Variants in PHEX observed in about 807,000 individuals in gnomAD.
The protein encoded by PHEX is phosphate regulating endopeptidase X-linked, also known as phosphate-regulating neutral endopeptidase PHEX.
PHEX carries 16 observed loss-of-function variants against 68.0 expected under a neutral mutation model. The observed-to-expected ratio is 0.24, with a 90% CI of 0.16 to 0.36. The LOEUF (loss-of-function observed/expected upper bound fraction) is 0.36, where lower values mean the gene tolerates loss of function less well. Among genes scored for constraint, PHEX ranks in the 10% least tolerant of loss-of-function variants. The pLI is 1.00. For missense variants in PHEX, 480 were observed against 575.5 expected, an observed-to-expected ratio of 0.83 and a Z score of 1.70; for synonymous variants, 208 against 205.1, an observed-to-expected ratio of 1.01 and a Z score of -0.12.
At chrX:22,159,382 A>C (rs945833698) in intron 12 of PHEX, among the ~76,000 whole-genome samples, 5 of 112,549 alleles carry the variant, frequency 4.4e-5, no homozygotes, top group African/African-American at 1.3e-4. Context: ...ACAATGGCTC[A>C]TGCCTGGAAC....
chrX:22,240,419 C>A (rs1391726759), intron 20 of PHEX, among the ~76,000 whole-genome samples: 4 of 111,801 alleles, frequency 3.6e-5, no homozygotes, highest in African/African-American at 1.3e-4. Flanking sequence ...GGCTAAATGC[C>A]CCAATTAAAA....
chrX:22,140,812 G>A (rs1189934323), intron 12 of PHEX, among the ~76,000 whole-genome samples: 4 of 111,811 alleles, frequency 3.6e-5, no homozygotes, highest in African/African-American at 9.8e-5. Flanking sequence ...AACACCTTTA[G>A]TGTTTCTCAC....
intron 11 of PHEX, among the ~76,000 whole-genome samples, chrX:22,114,855 C>T (rs1447278124): frequency 9.0e-6 from 1 of 111,024 alleles, no homozygotes; most frequent in Non-Finnish European, 1.9e-5. Context: ...TGTAGTATAG[C>T]TGCTTGAGGG....
chrX:22,244,404 G>A (rs112585845), intron 20 of PHEX, among the ~76,000 whole-genome samples: 11,718 of 106,052 alleles, frequency 0.11, 546 homozygotes, highest in African/African-American at 0.16. Flanking sequence ...TCCACGTTCT[G>A]CACATGTACC....
At chrX:22,232,197 G>A (rs940047310) in intron 20 of PHEX, among the ~76,000 whole-genome samples, 1 of 111,307 alleles carries the variant, frequency 9.0e-6, no homozygotes, top group Non-Finnish European at 1.9e-5. Flanking sequence ...TTCCAATTAT[G>A]TGATCAATTT....
intron 5 of PHEX, among the ~76,000 whole-genome samples, chrX:22,081,334 T>A (rs1318847747): frequency 1.8e-5 from 2 of 111,664 alleles, no homozygotes; most frequent in East Asian, 5.7e-4. Context: ...CCTTCTCAGA[T>A]CCTGCCATGT....
intron 6 of PHEX, among the ~76,000 whole-genome samples, chrX:22,092,667 C>T (rs960262993): frequency 9.0e-6 from 1 of 110,531 alleles, no homozygotes; most frequent in African/African-American, 3.3e-5. Flanking sequence ...GCCACCACCT[C>T]CGGCCAATAA....
chrX:22,224,120 T>C (rs1159058465), intron 18 of PHEX, among the ~76,000 whole-genome samples: 1 of 111,455 alleles, frequency 9.0e-6, no homozygotes, highest in African/African-American at 3.3e-5. Flanking sequence ...GTAGCTGCGA[T>C]TACAGGTGCC....
At chrX:22,183,993 C>G (rs754858142) in intron 14 of PHEX, among the ~76,000 whole-genome samples, 21 of 111,895 alleles carry the variant, frequency 1.9e-4, no homozygotes, top group Non-Finnish European at 3.6e-4. Context: ...TAGAAATATA[C>G]TGGCTTTGCA....
chrX:22,084,364 C>G (rs1384954545), intron 5 of PHEX, among the ~76,000 whole-genome samples: 2 of 111,057 alleles, frequency 1.8e-5, no homozygotes, highest in African/African-American at 6.5e-5. Flanking sequence ...AGTGAATGAT[C>G]TTTTTCATGT....
chrX:22,100,527 G>C (rs1364983029), intron 9 of PHEX, among the ~76,000 whole-genome samples: 2 of 111,713 alleles, frequency 1.8e-5, no homozygotes, highest in Non-Finnish European at 3.8e-5. Context: ...GCCTGCTTTA[G>C]ATTCATCCTT....
chrX:22,187,174 G>T (rs1349739781), intron 14 of PHEX, among the ~76,000 whole-genome samples: 1 of 111,720 alleles, frequency 9.0e-6, no homozygotes, highest in African/African-American at 3.3e-5. Flanking sequence ...TCTCTGCTTT[G>T]GATTTCATAA....
chrX:22,148,485 G>C lies in PHEX; in HGVS notation c.1404+14861G>C, dbSNP rs769862958. Among the ~76,000 whole-genome samples, 135 of 111,295 alleles carry C rather than the reference G, an allele frequency of 1.2e-3. 1 individual carries two copies. The highest frequency in any genetic ancestry group is 1.1e-3 in the Non-Finnish European group (60 of 53,064). ...CTTCACAAACTTATTTTTTTGGTAA[G>C]AACATTAAAAATCTATTATTTTAGC... On this transcript the variant is annotated intron_variant, in intron 12 of 21. Coordinates refer to ENST00000379374, the MANE Select transcript of PHEX (RefSeq NM_000444.6).
At chrX:22,122,984 A>ATTTT (rs34894623) in intron 11 of PHEX, among the ~76,000 whole-genome samples, 3 of 72,261 alleles carry the variant, frequency 4.2e-5, no homozygotes, top group African/African-American at 2.0e-4. Context: ...TAGGGTCTGC[A>ATTTT]TTTTTTTTTT....
chrX:22,091,926 G>T (rs1449315367), intron 6 of PHEX, among the ~76,000 whole-genome samples: 1 of 111,788 alleles, frequency 8.9e-6, no homozygotes, highest in Non-Finnish European at 1.9e-5. Flanking sequence ...AAAGCCATCA[G>T]ATCTCATGAG....
chrX:22,175,833 TGAGA>T (rs1289837246), intron 13 of PHEX, among the ~76,000 whole-genome samples: 1 of 111,802 alleles, frequency 8.9e-6, no homozygotes, highest in African/African-American at 3.2e-5. Flanking sequence ...GAAATTCCTC[TGAGA>T]GAATTTCCCA....
At chrX:22,223,702 C>T in intron 18 of PHEX, among the ~76,000 whole-genome samples, 1 of 112,573 alleles carries the variant, frequency 8.9e-6, no homozygotes, top group Non-Finnish European at 1.9e-5. Context: ...CACCACTGCA[C>T]TCCAGTGTGG....
At chrX:22,216,880 T>C (rs1296405078) in intron 16 of PHEX, among the ~76,000 whole-genome samples, 2 of 111,957 alleles carry the variant, frequency 1.8e-5, no homozygotes, top group African/African-American at 6.5e-5. Context: ...TCTAATATTA[T>C]GAAATATTAT....
Position 22,185,756 on chromosome X carries a change from G to GTTTTTTTTTTTTTTTTT in PHEX, c.1587-4687_1587-4671dup, listed in dbSNP as rs3085228. 2.8e-3 allele frequency among the ~76,000 whole-genome samples: 246 copies of GTTTTTTTTTTTTTTTTT among 87,729 alleles called. 23 individuals carry two copies. The highest frequency in any genetic ancestry group is 0.012 in the African/African-American group (230 of 19,903). The allele number at this position is 87,729 out of a possible 115,157, so 76.2% of individuals were successfully genotyped here. On this transcript the variant is annotated intron_variant, in intron 14 of 21. Transcript: ENST00000379374. ...CTCAGCTGCATGGTTCTCGTTTGTG[G>GTTTTTTTTTTTTTTTTT]TTTTTTTTTTTTTTTTTGGACACAG...
Sources: allele counts gnomAD v4.1 joint callset (sites outside exome capture counted in the v4.1 genomes callset), GRCh38; gene constraint gnomAD v4.1.1; transcripts MANE v1.5; gene names NCBI Gene and HGNC (gene_info 2026-07-23, HGNC 2026-07-21).